Variants in OPCML observed in about 807,000 individuals in gnomAD.
OPCML encodes opioid binding protein/cell adhesion molecule like.
In OPCML, 13 loss-of-function variants were observed where a neutral mutation model predicts 37.8. The ratio of observed to expected loss-of-function variants is 0.34; its 90% CI spans 0.22 to 0.55. The LOEUF is 0.55. Among genes scored for constraint, OPCML ranks in the 20% least tolerant of loss-of-function variants. OPCML has a pLI of 0.91. For synonymous variants in OPCML, 176 were observed against 168.8 expected (o/e 1.04, Z -0.33); for missense variants, 341 against 435.6 (o/e 0.78, Z 1.93).
chr11:132,965,819 T>C (rs1175869863), intron 1 of OPCML, among the ~76,000 whole-genome samples: 1 of 152,136 alleles, frequency 6.6e-6, no homozygotes, highest in African/African-American at 2.4e-5. Context: ...GCATGAGCCA[T>C]TGAGCCTAGC....
chr11:132,676,919 A>G (rs953649199), intron 2 of OPCML, among the ~76,000 whole-genome samples: 2 of 152,026 alleles, frequency 1.3e-5, no homozygotes, highest in African/African-American at 4.8e-5. Flanking sequence ...CAAGAAAAAA[A>G]GCAAACTGAT....
At chr11:133,314,224 C>T (rs1431618196) in intron 1 of OPCML, among the ~76,000 whole-genome samples, 127 of 98,872 alleles carry the variant, frequency 1.3e-3, no homozygotes, top group African/African-American at 5.3e-3. Context: ...TACAGCGAGA[C>T]TCCGTCTCAA....
At chr11:132,648,521 C>CTTT (rs770218241) in intron 3 of OPCML, among the ~76,000 whole-genome samples, 8 of 139,494 alleles carry the variant, frequency 5.7e-5, no homozygotes, top group African/African-American at 2.1e-4. Context: ...TTCTCTCTGT[C>CTTT]TTTTTTTTTT....
At chr11:132,966,102 A>AT (rs1290767739) in intron 1 of OPCML, among the ~76,000 whole-genome samples, 1 of 143,716 alleles carries the variant, frequency 7.0e-6, no homozygotes, top group Non-Finnish European at 1.5e-5. Flanking sequence ...TTTTTTTCCC[A>AT]TTTTTTGAGG....
At chr11:132,894,698 A>G (rs1052860484) in intron 2 of OPCML, among the ~76,000 whole-genome samples, 2 of 152,240 alleles carry the variant, frequency 1.3e-5, no homozygotes, top group Admixed American at 6.5e-5. Flanking sequence ...CCCAGACAGA[A>G]CAAAACAGGC....
At chr11:133,327,192 T>A (rs1289614662) in intron 1 of OPCML, among the ~76,000 whole-genome samples, 1 of 141,650 alleles carries the variant, frequency 7.1e-6, no homozygotes. Context: ...GTGGGTGGGG[T>A]GTGTGTATGA....
At chr11:132,592,396 T>C (rs374585666) in intron 3 of OPCML, among the ~76,000 whole-genome samples, 24 of 151,970 alleles carry the variant, frequency 1.6e-4, no homozygotes, top group African/African-American at 5.3e-4. Context: ...CTGGCTGGTA[T>C]CTGGAAAAAA....
intron 1 of OPCML, among the ~76,000 whole-genome samples, chr11:133,514,291 C>A (rs529842159): frequency 6.6e-6 from 1 of 152,170 alleles, no homozygotes; most frequent in Non-Finnish European, 1.5e-5. Flanking sequence ...GGCGAGTTGG[C>A]TGCTCCCTAG....
intron 1 of OPCML, among the ~76,000 whole-genome samples, chr11:133,494,408 A>G (rs1351558109): frequency 6.6e-6 from 1 of 151,928 alleles, no homozygotes; most frequent in Admixed American, 6.6e-5. Flanking sequence ...GCTGCTATAA[A>G]GACACAAGCA....
chr11:132,959,149 G>A (rs1946031144), intron 1 of OPCML, among the ~76,000 whole-genome samples: 1 of 152,192 alleles, frequency 6.6e-6, no homozygotes, highest in Admixed American at 6.5e-5. Context: ...ATTAACAGGA[G>A]CTTAGAAGAC....
intron 1 of OPCML, among the ~76,000 whole-genome samples, chr11:132,954,000 T>C (rs1028488822): frequency 6.6e-6 from 1 of 152,234 alleles, no homozygotes; most frequent in Non-Finnish European, 1.5e-5. Flanking sequence ...AGAGAGGAGC[T>C]AGAACTTGTG....
In OPCML at chr11:132,469,929, G is replaced by T. The variant is rs1349476560; in HGVS notation, c.506-32570C>A. 3.3e-5 allele frequency among the ~76,000 whole-genome samples: 5 copies of T among 149,700 alleles called. No homozygotes were observed. The East Asian group carries it at 8.0e-4, about 24-fold the overall frequency. ...GTCTGTATATGTGTGTATGTGTGTG[G>T]GGGGAGTGTGTGAGTGTGTGTGTAC... is the stretch of plus-strand genomic sequence containing the variant. On this transcript the variant is annotated intron_variant, in intron 4 of 7. Transcript: ENST00000524381.
chr11:132,437,090 G>A (rs1443762984), intron 5 of OPCML, 132 bp downstream of exon 5: 3 of 1,429,214 alleles, frequency 2.1e-6, no homozygotes, highest in Admixed American at 4.5e-5. Context: ...GGTGGGCAAA[G>A]CCATCTGATG....
At chr11:133,444,083 C>A (rs1946420606) in intron 1 of OPCML, among the ~76,000 whole-genome samples, 1 of 152,114 alleles carries the variant, frequency 6.6e-6, no homozygotes, top group African/African-American at 2.4e-5. Flanking sequence ...GCACTGGAAA[C>A]CTCTGAGAAC....
At chr11:133,017,007 G>C (rs1303865116) in intron 1 of OPCML, among the ~76,000 whole-genome samples, 3 of 152,170 alleles carry the variant, frequency 2.0e-5, no homozygotes, top group Non-Finnish European at 2.9e-5. Context: ...GCTGTGAACT[G>C]GATGGCTTAC....
At chr11:133,189,453 G>A (rs1427052865) in intron 1 of OPCML, among the ~76,000 whole-genome samples, 5 of 152,140 alleles carry the variant, frequency 3.3e-5, no homozygotes, top group Non-Finnish European at 2.9e-5. Context: ...TCTGAAAAGT[G>A]GACTCTTAAT....
intron 1 of OPCML, among the ~76,000 whole-genome samples, chr11:133,019,255 C>T (rs1947403947): frequency 6.6e-6 from 1 of 152,172 alleles, no homozygotes; most frequent in African/African-American, 2.4e-5. Context: ...AGTAGAACCA[C>T]CACATGGGAG....
chr11:133,032,541 A>G (rs1845453727), intron 1 of OPCML, among the ~76,000 whole-genome samples: 1 of 152,228 alleles, frequency 6.6e-6, no homozygotes, highest in African/African-American at 2.4e-5. Context: ...CAAATGTACG[A>G]TAGAATCTGG....
intron 1 of OPCML, among the ~76,000 whole-genome samples, chr11:133,010,498 G>A (rs565355150): frequency 4.6e-5 from 7 of 152,140 alleles, no homozygotes; most frequent in Non-Finnish European, 5.9e-5. Context: ...AATACAGTCT[G>A]GATCATAGCT....
Sources: allele counts gnomAD v4.1 joint callset (sites outside exome capture counted in the v4.1 genomes callset), GRCh38; gene constraint gnomAD v4.1.1; transcripts MANE v1.5; gene names NCBI Gene and HGNC (gene_info 2026-07-23, HGNC 2026-07-21).